The following DAP variants were observed in gnomAD, a reference collection of about 807,000 sequenced individuals.
DAP encodes death-associated protein 1.
In DAP, 8 loss-of-function variants were observed where a neutral mutation model predicts 13.8. The ratio of observed to expected loss-of-function variants is 0.58; its 90% CI spans 0.34 to 1.05. The LOEUF (loss-of-function observed/expected upper bound fraction) is 1.05. Among genes scored for constraint, DAP ranks in the 50% least tolerant of loss-of-function variants. The probability of loss-of-function intolerance (pLI) is 0.03; values close to 1 mark genes in which losing one functional copy is unlikely to be tolerated. For missense variants in DAP, 106 were observed against 133.2 expected (o/e 0.80, Z 1.01); for synonymous variants, 47 against 47.5 (o/e 0.99, Z 0.04).
chr5:10,755,282 G>T (rs1740154150), intron 1 of DAP, among the ~76,000 whole-genome samples: 1 of 152,168 alleles, frequency 6.6e-6, no homozygotes, highest in Admixed American at 6.5e-5. Context: ...CAAGAAAATG[G>T]GATTCTCCCC....
intron 2 of DAP, among the ~76,000 whole-genome samples, chr5:10,727,684 T>A (rs148737842): frequency 6.6e-6 from 1 of 152,162 alleles, no homozygotes; most frequent in Non-Finnish European, 1.5e-5. Context: ...GAAAATGGTG[T>A]GCTGTATGTA....
rs1740176542 is a variant in DAP, at chr5:10,756,148, CA to C, written c.55+4865del. On this transcript the variant is annotated intron_variant, in intron 1 of 3. Coordinates refer to ENST00000230895, the MANE Select transcript of DAP (RefSeq NM_004394.3). ...GAGAGAGACCCTGTCTAGACAAGAA[CA>C]ACAAAAAAAGGCTAGGGAAGAGGTG... Among the ~76,000 whole-genome samples the C allele has an allele frequency of 2.1e-5, 2 of 93,476 alleles. 1 individual carries two copies. 61.3% of individuals were successfully genotyped at this position (93,476 alleles called of 152,430 possible). A position where few individuals can be genotyped will look rare whatever the true frequency, so the allele number is the denominator to read the frequency against.
chr5:10,745,486 A>G (rs1579819260), intron 2 of DAP, among the ~76,000 whole-genome samples: 1 of 152,244 alleles, frequency 6.6e-6, no homozygotes. Flanking sequence ...ATAGAGAACA[A>G]ATCTTTAAGG....
At chr5:10,715,537 G>T (rs1197984777) in intron 2 of DAP, among the ~76,000 whole-genome samples, 2 of 152,232 alleles carry the variant, frequency 1.3e-5, no homozygotes, top group African/African-American at 4.8e-5. Flanking sequence ...TGTCTTGTGG[G>T]TCAATTACCA....
chr5:10,691,709 C>A (rs1372826981), intron 2 of DAP, among the ~76,000 whole-genome samples: 1 of 152,176 alleles, frequency 6.6e-6, no homozygotes, highest in Non-Finnish European at 1.5e-5. Flanking sequence ...CAGGCCTTTC[C>A]AGACTTTAAA....
At chr5:10,687,113 T>G (rs1266602299) in intron 2 of DAP, among the ~76,000 whole-genome samples, 1 of 152,236 alleles carries the variant, frequency 6.6e-6, no homozygotes, top group African/African-American at 2.4e-5. Context: ...CATCAAGGTT[T>G]ACTGCTTATT....
At chr5:10,689,307 G>A (rs1007848611) in intron 2 of DAP, among the ~76,000 whole-genome samples, 1 of 151,060 alleles carries the variant, frequency 6.6e-6, no homozygotes, top group Admixed American at 6.6e-5. Flanking sequence ...CTGTCCCATC[G>A]CAACTGCTGA....
intron 2 of DAP, among the ~76,000 whole-genome samples, chr5:10,696,202 T>C (rs1738435187): frequency 6.6e-6 from 1 of 152,114 alleles, no homozygotes; most frequent in African/African-American, 2.4e-5. Context: ...CCTTCTCACA[T>C]CTTATGGATT....
At chr5:10,759,657 A>G (rs1265780890) in intron 1 of DAP, among the ~76,000 whole-genome samples, 1 of 151,884 alleles carries the variant, frequency 6.6e-6, no homozygotes, top group Non-Finnish European at 1.5e-5. Flanking sequence ...GGACTGCAAC[A>G]TATTTAAAGA....
intron 2 of DAP, among the ~76,000 whole-genome samples, chr5:10,724,598 G>T (rs1263087110): frequency 6.6e-6 from 1 of 152,164 alleles, no homozygotes; most frequent in Admixed American, 6.5e-5. Context: ...GTAGACCAGG[G>T]GAGGCTGGCT....
At chr5:10,716,885 C>T (rs1030766954) in intron 2 of DAP, among the ~76,000 whole-genome samples, 4 of 152,170 alleles carry the variant, frequency 2.6e-5, no homozygotes, top group South Asian at 2.1e-4. Flanking sequence ...GGATGGAGTT[C>T]TTTCATTGGT....
chr5:10,738,016 A>T (rs1739658309), intron 2 of DAP, among the ~76,000 whole-genome samples: 1 of 152,224 alleles, frequency 6.6e-6, no homozygotes, highest in South Asian at 2.1e-4. Context: ...AAGCCAGGGG[A>T]TGCCAGAGAT....
intron 2 of DAP, among the ~76,000 whole-genome samples, chr5:10,732,579 C>T (rs1035752008): frequency 6.6e-6 from 1 of 152,178 alleles, no homozygotes; most frequent in African/African-American, 2.4e-5. Flanking sequence ...GGCTGATGAG[C>T]ATTTGGGCTG....
At position 10,761,104 on chromosome 5, in the gene DAP, C is replaced by A. The variant is rs1320859704; in HGVS notation, c.-36G>T. The A allele has an allele frequency of 3.4e-6, 4 of 1,170,790 alleles. No individual in the cohort carries two copies. The highest frequency in any genetic ancestry group is 4.3e-6 in the Non-Finnish European group (4 of 931,918). 72.5% of individuals were successfully genotyped at this position (1,170,790 alleles called of 1,614,324 possible). ...GGCTTCCGCGGGGCCGAGGCGGCGG[C>A]GCGGTTCTCGGGCCGGGCGGGCGTG... On this transcript the variant is annotated 5_prime_UTR_variant, in exon 1 of 4. Transcript: ENST00000230895.
intron 2 of DAP, among the ~76,000 whole-genome samples, chr5:10,717,071 C>G (rs55829829): frequency 0.089 from 13,545 of 152,224 alleles, 813 homozygotes; most frequent in African/African-American, 0.17. Flanking sequence ...GGAGTTCACT[C>G]ACTCTATACA....
intron 2 of DAP, among the ~76,000 whole-genome samples, chr5:10,727,684 T>G (rs148737842): frequency 4.6e-5 from 7 of 152,162 alleles, no homozygotes; most frequent in African/African-American, 1.7e-4. Flanking sequence ...GAAAATGGTG[T>G]GCTGTATGTA....
chr5:10,702,457 T>G (rs1056608838), intron 2 of DAP, among the ~76,000 whole-genome samples: 10 of 152,158 alleles, frequency 6.6e-5, no homozygotes, highest in African/African-American at 1.2e-4. Flanking sequence ...TGGCCATGGG[T>G]TGATATCTGG....
chr5:10,755,934 G>A (rs1330942681), intron 1 of DAP, among the ~76,000 whole-genome samples: 1 of 152,214 alleles, frequency 6.6e-6, no homozygotes, highest in African/African-American at 2.4e-5. Flanking sequence ...GGTCGCTTGA[G>A]CCCAGGAGTT....
intron 3 of DAP, 86 bp downstream of exon 3, chr5:10,683,443 A>ACG: frequency 8.0e-7 from 1 of 1,242,920 alleles, no homozygotes; most frequent in Non-Finnish European, 1.2e-6. Flanking sequence ...TATTCCAGGT[A>ACG]GAGTTTAACA....
Sources: allele counts gnomAD v4.1 joint callset (sites outside exome capture counted in the v4.1 genomes callset), GRCh38; gene constraint gnomAD v4.1.1; transcripts MANE v1.5; gene names NCBI Gene and HGNC (gene_info 2026-07-23, HGNC 2026-07-21).